Variants in SMG7 observed in about 807,000 individuals in gnomAD.
SMG7 encodes the protein SMG7 nonsense mediated mRNA decay factor.
A neutral mutation model predicts 148.2 loss-of-function variants in SMG7; 34 were observed. That is an observed-to-expected ratio of 0.23 (90% CI 0.17 to 0.31). The LOEUF is 0.31. Ranked by LOEUF, SMG7 falls within the 10% of genes least tolerant of loss-of-function variation. SMG7 has a pLI of 1.00. For synonymous variants in SMG7, 492 were observed against 515.1 expected, an observed-to-expected ratio of 0.96 and a Z score of 0.61; for missense variants, 1,114 against 1,408.4, an observed-to-expected ratio of 0.79 and a Z score of 3.35.
intron 1 of SMG7, among the ~76,000 whole-genome samples, chr1:183,485,649 C>G (rs1655261307): frequency 6.6e-6 from 1 of 152,156 alleles, no homozygotes; most frequent in Non-Finnish European, 1.5e-5. Flanking sequence ...GCTAATAGTA[C>G]AAGTAGTGAA....
intron 14 of SMG7, among the ~76,000 whole-genome samples, chr1:183,543,489 A>AG (rs1474829546): frequency 6.8e-6 from 1 of 146,166 alleles, no homozygotes; most frequent in Non-Finnish European, 1.5e-5. Flanking sequence ...AAAGGCAAGA[A>AG]AAAAAAAAAT....
At chr1:183,549,150 T>C (rs1670502366) in intron 18 of SMG7, 58 bp from the exon 19 acceptor site, 2 of 1,298,548 alleles carry the variant, frequency 1.5e-6, no homozygotes, top group South Asian at 1.2e-5. Flanking sequence ...TATGGTAAGA[T>C]TAATATTAAG....
intron 12 of SMG7, among the ~76,000 whole-genome samples, chr1:183,539,798 C>T (rs1049261694): frequency 2.6e-5 from 4 of 152,138 alleles, no homozygotes; most frequent in Non-Finnish European, 4.4e-5. Context: ...CAAGTCCTTC[C>T]GTTTATTTCC....
rs1656014792 is a variant in SMG7 at position 183,488,315 on chromosome 1, G to A, written c.29+15666G>A. Among the ~76,000 whole-genome samples, 4 of 152,106 alleles carry A rather than the reference G, an allele frequency of 2.6e-5. No homozygotes were observed. In the South Asian group the frequency reaches 8.3e-4, roughly 31 times the overall value. On this transcript the variant is annotated intron_variant, in intron 1 of 22. Transcript: ENST00000688051. Reference sequence around the variant, plus strand: ...GTGCTGTCCAATATGGTACCCACTGGCCACATATGGCTATTTAAATGCATT... The same window carrying A: ...GTGCTGTCCAATATGGTACCCACTGACCACATATGGCTATTTAAATGCATT...
chr1:183,473,415 A>G (rs954168411), intron 1 of SMG7, among the ~76,000 whole-genome samples: 18 of 151,160 alleles, frequency 1.2e-4, no homozygotes, highest in African/African-American at 3.9e-4. Flanking sequence ...ACATGGGAAT[A>G]GTGTGTGTGT....
chr1:183,517,589 G>A (rs1459430812), intron 3 of SMG7, 99 bp from the exon 4 acceptor site: 1 of 1,083,020 alleles, frequency 9.2e-7, no homozygotes, highest in African/African-American at 1.5e-5. Flanking sequence ...TGTCTCGTGT[G>A]GTATAATTAT....
Position 183,552,137 on chromosome 1 carries a change from C to T in SMG7, c.*206C>T. The T allele has an allele frequency of 1.6e-6, 2 of 1,257,994 alleles. No individual in the cohort carries two copies. The highest frequency in any genetic ancestry group is 2.0e-6 in the Non-Finnish European group (2 of 991,590). 77.9% of individuals were successfully genotyped at this position (1,257,994 alleles called of 1,614,324 possible). ...AAAAATCCATCAGGAACTCTCCGTC[C>T]CCCCGGGGCCCTCCGGAGGGAGAGA... On this transcript the variant is annotated 3_prime_UTR_variant, in exon 23 of 23. Coordinates refer to ENST00000688051, the MANE Select transcript of SMG7 (RefSeq NM_001375584.1).
Position 183,541,037 on chromosome 1 carries a change from A to G in SMG7, c.1349A>G (p.Gln450Arg). 1.2e-6 allele frequency: 2 copies of G among 1,613,618 alleles called. No homozygotes were observed. Among genetic ancestry groups the G allele is most frequent in the Non-Finnish European group, 1.7e-6 (2 of 1,179,506 alleles). Residue 450 changes from glutamine (Q) to arginine (R), a missense_variant, in exon 13 of 23, where the codon CAG becomes CGG. By Grantham distance (43) the Gln-to-Arg change is conservative. Around this residue, in one of 4 missense-constraint regions of SMG7, gnomAD observed 788 missense variants for 894.5 expected, o/e 0.88. Transcript: ENST00000688051. ...GGTATTACAGGGGACAAAGAAGGCC[A>G]GCAACGACGAATACGACAGCAACGC... Reference protein sequence around the residue: ...HQGITGDKEGQQRRIRQQRLI... With the variant: ...HQGITGDKEGRQRRIRQQRLI...
intron 10 of SMG7, among the ~76,000 whole-genome samples, chr1:183,534,299 C>T (rs1667356029): frequency 6.6e-6 from 1 of 152,088 alleles, no homozygotes; most frequent in Non-Finnish European, 1.5e-5. Flanking sequence ...TATTTTGATT[C>T]TCACCATTTT....
chr1:183,536,077 G>T (rs1390286916), intron 10 of SMG7, among the ~76,000 whole-genome samples: 1 of 151,966 alleles, frequency 6.6e-6, no homozygotes, highest in East Asian at 1.9e-4. Flanking sequence ...TTTACGTCCA[G>T]TTTCTCTATC....
intron 20 of SMG7, 117 bp downstream of exon 20, chr1:183,550,040 G>T (rs960866425): frequency 9.8e-5 from 70 of 714,228 alleles, no homozygotes; most frequent in South Asian, 6.2e-4. Context: ...TTTATTTTTT[G>T]TTTGTTTGTT....
Position 183,472,630 on chromosome 1 carries a change from C to G in SMG7, c.10C>G (p.Gln4Glu). Residue 4 changes from glutamine to glutamate, a missense_variant, in exon 1 of 23, where the codon CAG (glutamine) becomes GAG (glutamate). Transcript: ENST00000688051. ...GCGGCGGCGGCGGAGGATGAGCCTGCAGAGCGCGCAGTACCTCCGGTGAGT... is the reference window on the plus strand; with the variant it reads ...GCGGCGGCGGCGGAGGATGAGCCTGGAGAGCGCGCAGTACCTCCGGTGAGT... MSL[Q>E]SAQYLRQAEV... 2.7e-6 allele frequency: 4 copies of G among 1,463,530 alleles called. No homozygotes were observed. The highest frequency in any genetic ancestry group is 3.6e-6 in the Non-Finnish European group (4 of 1,097,572). The allele number at this position is 1,463,530 out of a possible 1,614,324, so 90.7% of individuals were successfully genotyped here.
chr1:183,548,529 T>TA (rs1309207787), intron 18 of SMG7, among the ~76,000 whole-genome samples: 2 of 151,886 alleles, frequency 1.3e-5, no homozygotes, highest in East Asian at 1.9e-4. Flanking sequence ...CAACAATGAA[T>TA]AAAAAAAACT....
intron 4 of SMG7, among the ~76,000 whole-genome samples, chr1:183,520,607 G>T (rs528923578): frequency 5.3e-5 from 8 of 152,228 alleles, no homozygotes; most frequent in South Asian, 4.1e-4. Context: ...GGCTCTGTTG[G>T]GGGGAGGGGG....
At chr1:183,550,994 G>T in intron 21 of SMG7, 51 bp from the exon 22 acceptor site, 1 of 1,613,574 alleles carries the variant, frequency 6.2e-7, no homozygotes. Flanking sequence ...CTGGCAATTG[G>T]CAGTGATAGA....
intron 1 of SMG7, among the ~76,000 whole-genome samples, chr1:183,489,759 G>T (rs948849515): frequency 2.0e-5 from 3 of 152,144 alleles, no homozygotes; most frequent in Admixed American, 2.0e-4. Flanking sequence ...TAGTAATAAA[G>T]ATCAACTTCT....
At chr1:183,548,319 T>C (rs1670301294) in intron 18 of SMG7, among the ~76,000 whole-genome samples, 1 of 152,190 alleles carries the variant, frequency 6.6e-6, no homozygotes, top group Non-Finnish European at 1.5e-5. Context: ...GCTGCTATAC[T>C]GTTGCCTCTC....
intron 12 of SMG7, among the ~76,000 whole-genome samples, chr1:183,539,048 G>A (rs1241715449): frequency 3.3e-5 from 5 of 152,024 alleles, no homozygotes; most frequent in Non-Finnish European, 7.4e-5. Flanking sequence ...TACCCAGGAA[G>A]CTGAGGCAGG....
intron 8 of SMG7, among the ~76,000 whole-genome samples, chr1:183,532,460 T>G (rs1036906084): frequency 6.6e-6 from 1 of 152,200 alleles, no homozygotes; most frequent in Non-Finnish European, 1.5e-5. Flanking sequence ...CTGGGTGATT[T>G]TTTATAGTGC....
Sources: allele counts gnomAD v4.1 joint callset (sites outside exome capture counted in the v4.1 genomes callset), GRCh38; gene constraint gnomAD v4.1.1; regional missense constraint gnomAD v4.1.1; transcripts MANE v1.5; gene names NCBI Gene and HGNC (gene_info 2026-07-23, HGNC 2026-07-21).